Variants in KCNB2 observed in about 807,000 individuals in gnomAD.
KCNB2 encodes the protein delayed rectifier potassium channel protein.
Under a neutral mutation model 61.5 loss-of-function variants are expected in KCNB2, and 15 were observed. The ratio of observed to expected loss-of-function variants is 0.24; its 90% CI spans 0.16 to 0.38. The LOEUF (loss-of-function observed/expected upper bound fraction) is 0.38, where lower values mean the gene tolerates loss of function less well. Among genes scored for constraint, KCNB2 ranks in the 10% least tolerant of loss-of-function variants. The pLI is 1.00. For synonymous variants in KCNB2, 457 were observed against 446.0 expected (o/e 1.02, Z -0.31); for missense variants, 828 against 1,125.2 (o/e 0.74, Z 3.78).
chr8:72,610,034 A>G (rs1332989623), intron 2 of KCNB2, among the ~76,000 whole-genome samples: 1 of 152,176 alleles, frequency 6.6e-6, no homozygotes, highest in Non-Finnish European at 1.5e-5. Flanking sequence ...TGTACCTTCT[A>G]AAGTGTAATC....
In KCNB2 at chr8:72,909,070, A is replaced by AT. The variant is rs547171218; in HGVS notation, c.580-26856dup. 1.6e-3 allele frequency among the ~76,000 whole-genome samples: 243 copies of AT among 151,938 alleles called. 1 individual carries two copies. Among genetic ancestry groups the AT allele is most frequent in the Non-Finnish European group, 2.9e-3 (200 of 67,916 alleles). On this transcript the variant is annotated intron_variant, in intron 2 of 2. Coordinates refer to ENST00000523207, the MANE Select transcript of KCNB2 (RefSeq NM_004770.3). ...TGTACCAAGTCCTGGGGATAGAAGG[A>AT]TTTTTTTTTAATTGATGTGGATATG... is the stretch of plus-strand genomic sequence containing the variant.
rs191520438 is a variant in KCNB2 at position 72,614,280 on chromosome 8, G to A, written c.579+45967G>A. On this transcript the variant is annotated intron_variant, in intron 2 of 2. Transcript: ENST00000523207. ...TAAATGTATGTATTTTATAGATACA[G>A]AAAGATATCTATGATGTCTTTATAT... Among the ~76,000 whole-genome samples, 180 of 152,288 alleles carry A rather than the reference G, an allele frequency of 1.2e-3. 3 individuals carry two copies. Among genetic ancestry groups the A allele is most frequent in the Admixed American group, 9.4e-3 (144 of 15,280 alleles).
chr8:72,663,981 C>T (rs1806424635), intron 2 of KCNB2, among the ~76,000 whole-genome samples: 1 of 152,168 alleles, frequency 6.6e-6, no homozygotes, highest in Non-Finnish European at 1.5e-5. Context: ...CAAAGGGAGC[C>T]CTGCCTTAAA....
At position 72,537,783 on chromosome 8, in the gene KCNB2, G is replaced by T. The variant is rs941020532; in HGVS notation, c.-196G>T. The stretch of plus-strand genomic sequence containing the variant: ...TCCAGCGACAGGTCATTGGCGAAGG[G>T]GATCGTCGCGGGGAGAGGCTCCCCG... On this transcript the variant is annotated 5_prime_UTR_variant, in exon 1 of 3. Coordinates refer to ENST00000523207, the MANE Select transcript of KCNB2 (RefSeq NM_004770.3). 2.0e-5 allele frequency: 3 copies of T among 152,178 alleles called. No homozygotes were observed. Among genetic ancestry groups the T allele is most frequent in the Non-Finnish European group, 4.4e-5 (3 of 68,124 alleles). 9.4% of individuals were successfully genotyped at this position (152,178 alleles called of 1,614,324 possible). A position where few individuals can be genotyped will look rare whatever the true frequency, so the allele number is the denominator to read the frequency against.
rs1806527841 is a variant in KCNB2 at position 72,561,742 on chromosome 8, T to TATATATAC, written c.-93-5896_-93-5895insATACATAT. On this transcript the variant is annotated intron_variant, in intron 1 of 2. Coordinates refer to ENST00000523207, the MANE Select transcript of KCNB2 (RefSeq NM_004770.3). ...ATATATATATATCTATATCTATATA[T>TATATATAC]ATATGTATATATATATATGGATATA... Among the ~76,000 whole-genome samples, 9 of 27,110 alleles carry TATATATAC rather than the reference T, an allele frequency of 3.3e-4. 1 individual carries two copies. The highest frequency in any genetic ancestry group is 4.5e-4 in the Non-Finnish European group (8 of 17,876). 17.8% of individuals were successfully genotyped at this position (27,110 alleles called of 152,430 possible). A position where few individuals can be genotyped will look rare whatever the true frequency, so the allele number is the denominator to read the frequency against.
At chr8:72,867,409 G>A (rs1216906880) in intron 2 of KCNB2, among the ~76,000 whole-genome samples, 1 of 152,168 alleles carries the variant, frequency 6.6e-6, no homozygotes, top group Non-Finnish European at 1.5e-5. Flanking sequence ...TGCACTTTGG[G>A]AGCAGAGGCG....
chr8:72,676,762 G>A (rs891546662), intron 2 of KCNB2, among the ~76,000 whole-genome samples: 26 of 152,074 alleles, frequency 1.7e-4, no homozygotes, highest in African/African-American at 5.8e-4. Context: ...CTGTTGCCTT[G>A]TATTTCGTTG....
chr8:72,924,232 G>C lies in KCNB2; in HGVS notation c.580-11703G>C, dbSNP rs527328966. On this transcript the variant is annotated intron_variant, in intron 2 of 2. Coordinates refer to ENST00000523207, the MANE Select transcript of KCNB2 (RefSeq NM_004770.3). ...GCATCATCTCCAAGGTTTTTTTCTA[G>C]CTAATTACACCCACCCATCCCAGAA... Among the ~76,000 whole-genome samples, 139 of 152,202 alleles carry C rather than the reference G, an allele frequency of 9.1e-4. 1 individual carries two copies. Among genetic ancestry groups the C allele is most frequent in the African/African-American group, 3.2e-3 (132 of 41,520 alleles).
intron 2 of KCNB2, among the ~76,000 whole-genome samples, chr8:72,761,059 C>A (rs1033013171): frequency 6.6e-6 from 1 of 152,120 alleles, no homozygotes; most frequent in African/African-American, 2.4e-5. Context: ...TTCTCAAAAA[C>A]CATTATGACT....
intron 2 of KCNB2, among the ~76,000 whole-genome samples, chr8:72,683,221 C>T (rs79297403): frequency 0.021 from 3,212 of 152,266 alleles, 105 homozygotes; most frequent in African/African-American, 0.071. Flanking sequence ...ACAATGTTGG[C>T]ACTGTCCCTA....
At chr8:72,742,841 G>A (rs1475151080) in intron 2 of KCNB2, among the ~76,000 whole-genome samples, 3 of 152,292 alleles carry the variant, frequency 2.0e-5, no homozygotes, top group East Asian at 1.9e-4. Context: ...GACGTCTGAC[G>A]ATAAATTCTT....
intron 2 of KCNB2, among the ~76,000 whole-genome samples, chr8:72,724,571 T>C (rs1807602510): frequency 6.6e-6 from 1 of 152,192 alleles, no homozygotes; most frequent in African/African-American, 2.4e-5. Context: ...TGAATCACCA[T>C]ACCTACCTAA....
At chr8:72,636,676 TTTTC>T (rs1394328402) in intron 2 of KCNB2, among the ~76,000 whole-genome samples, 1 of 152,162 alleles carries the variant, frequency 6.6e-6, no homozygotes, top group Non-Finnish European at 1.5e-5. Flanking sequence ...TGTAGCCTAG[TTTTC>T]TTTGACTCCT....
In KCNB2 at chr8:72,937,880, G is replaced by A; in HGVS notation, c.2525G>A (p.Arg842Lys). 4.3e-6 allele frequency: 7 copies of A among 1,614,140 alleles called. No homozygotes were observed. The highest frequency in any genetic ancestry group is 4.2e-6 in the Non-Finnish European group (5 of 1,180,012). ...NCFADKPSDG[R>K]DPLREEGSVG... ...TTTGCAGATAAGCCTAGTGATGGGA[G>A]AGACCCTTTAAGAGAAGAGGGCAGT... Residue 842 changes from arginine to lysine, a missense_variant, in exon 3 of 3, where the codon AGA (arginine) becomes AAA (lysine). Arg to Lys is a conservative substitution (Grantham distance 26). Transcript: ENST00000523207.
intron 2 of KCNB2, among the ~76,000 whole-genome samples, chr8:72,765,368 C>A (rs1390496425): frequency 6.6e-6 from 1 of 152,126 alleles, no homozygotes; most frequent in African/African-American, 2.4e-5. Flanking sequence ...TCTGGCAAAC[C>A]TTATTAACCC....
intron 2 of KCNB2, among the ~76,000 whole-genome samples, chr8:72,623,048 AG>A (rs146800274): frequency 0.027 from 4,072 of 152,236 alleles, 189 homozygotes; most frequent in African/African-American, 0.093. Flanking sequence ...AGGAAACTGA[AG>A]GTTTACAAAT....
At chr8:72,846,477 C>G (rs1459715791) in intron 2 of KCNB2, among the ~76,000 whole-genome samples, 1 of 151,960 alleles carries the variant, frequency 6.6e-6, no homozygotes, top group Non-Finnish European at 1.5e-5. Flanking sequence ...AACAGGCAAC[C>G]TATAGAGTGG....
intron 2 of KCNB2, among the ~76,000 whole-genome samples, chr8:72,662,493 A>G (rs1364077731): frequency 6.6e-6 from 1 of 152,166 alleles, no homozygotes; most frequent in African/African-American, 2.4e-5. Flanking sequence ...GATATGGATG[A>G]TGGCTGGGGG....
chr8:72,889,886 G>A (rs768430692), intron 2 of KCNB2, among the ~76,000 whole-genome samples: 24 of 152,008 alleles, frequency 1.6e-4, no homozygotes, highest in Admixed American at 3.3e-4. Flanking sequence ...CTCCCAAGTA[G>A]CTGGGATTAC....
Sources: allele counts gnomAD v4.1 joint callset (sites outside exome capture counted in the v4.1 genomes callset), GRCh38; gene constraint gnomAD v4.1.1; transcripts MANE v1.5; gene names NCBI Gene and HGNC (gene_info 2026-07-23, HGNC 2026-07-21).